PRKCH: variants seen among roughly 807,000 people sequenced by gnomAD.
PRKCH encodes protein kinase C eta type.
Under a neutral mutation model 82.5 loss-of-function variants are expected in PRKCH, and 28 were observed. The observed-to-expected ratio is 0.34, with a 90% CI of 0.25 to 0.47. PRKCH has a LOEUF of 0.47. PRKCH is among the 20% of genes least tolerant of loss of function. The pLI, the probability that PRKCH is intolerant of heterozygous loss-of-function variation, is 1.00. For synonymous variants in PRKCH, 322 were observed against 327.4 expected, an observed-to-expected ratio of 0.98 and a Z score of 0.18; for missense variants, 705 against 881.8, an observed-to-expected ratio of 0.80 and a Z score of 2.54.
chr14:61,527,315 C>T (rs187991235), intron 10 of PRKCH, among the ~76,000 whole-genome samples: 1 of 152,148 alleles, frequency 6.6e-6, no homozygotes, highest in African/African-American at 2.4e-5. Flanking sequence ...CACAAACAAA[C>T]CCTGTTCTCA....
intron 1 of PRKCH, among the ~76,000 whole-genome samples, chr14:61,273,427 G>T (rs918387301): frequency 1.3e-5 from 2 of 152,016 alleles, no homozygotes; most frequent in African/African-American, 4.8e-5. Flanking sequence ...ACCAGGCAGG[G>T]GAAAGCAATG....
upstream of PRKCH, among the ~76,000 whole-genome samples, chr14:61,319,285 T>A (rs578246554): frequency 8.5e-5 from 13 of 152,220 alleles, no homozygotes; most frequent in Non-Finnish European, 1.8e-4. Flanking sequence ...ATTTGCTTTT[T>A]CAAGGAACCC....
intron 1 of PRKCH, among the ~76,000 whole-genome samples, chr14:61,331,795 G>A (rs1316028480): frequency 6.6e-6 from 1 of 152,128 alleles, no homozygotes; most frequent in East Asian, 1.9e-4. Context: ...TAATTGGTTT[G>A]GTTTAAACTG....
chr14:61,458,616 G>A (rs3783795), intron 9 of PRKCH, among the ~76,000 whole-genome samples: 4,327 of 152,230 alleles, frequency 0.028, 224 homozygotes, highest in East Asian at 0.26. Flanking sequence ...TACCTGAGAC[G>A]GGGTAATTTA....
intron 1 of PRKCH, among the ~76,000 whole-genome samples, chr14:61,307,872 T>C (rs954528827): frequency 3.3e-5 from 5 of 152,232 alleles, no homozygotes; most frequent in African/African-American, 1.2e-4. Context: ...GGTCTCGCTC[T>C]GTCACGCAGG....
intron 1 of PRKCH, among the ~76,000 whole-genome samples, chr14:61,301,119 T>G (rs563668277): frequency 2.0e-5 from 3 of 152,298 alleles, no homozygotes; most frequent in Admixed American, 2.0e-4. Context: ...CTATTAAACT[T>G]CTGCTCTTAA....
chr14:61,227,794 T>C (rs1308873211), intron 1 of PRKCH, among the ~76,000 whole-genome samples: 1 of 152,020 alleles, frequency 6.6e-6, no homozygotes, highest in Non-Finnish European at 1.5e-5. Context: ...AAATATGCCG[T>C]CTTGAAGAGA....
rs3813410 is a variant in PRKCH, at chr14:61,550,417, G to A, written c.*586G>A. The A allele has an allele frequency of 0.16, 24,716 of 152,430 alleles. 3,718 individuals carry two copies. The highest frequency in any genetic ancestry group is 0.4 in the African/African-American group (16,504 of 41,480). The allele number at this position is 152,430 out of a possible 1,614,324, so 9.4% of individuals were successfully genotyped here. A position where few individuals can be genotyped will look rare whatever the true frequency, so the allele number is the denominator to read the frequency against. ...TTGAAAATATGTTGTGCACCAAGAC[G>A]ACTGCTTCAGCTTCTTCTCTTATCC... On this transcript the variant is annotated 3_prime_UTR_variant, in exon 14 of 14. Coordinates refer to ENST00000332981, the MANE Select transcript of PRKCH (RefSeq NM_006255.5).
In PRKCH at chr14:61,193,351, T is replaced by C. The variant is rs941690857; in HGVS notation, c.-19+5683T>C. Among the ~76,000 whole-genome samples the C allele has an allele frequency of 3.9e-5, 6 of 152,182 alleles. No individual in the cohort carries two copies. In the South Asian group the frequency reaches 6.2e-4, roughly 16 times the overall value. Reference sequence around the variant, plus strand: ...AATATTTTAGTATATTGGCAAGACATTAATTACAAAACCAGATGGTCATGG... The same window carrying C: ...AATATTTTAGTATATTGGCAAGACACTAATTACAAAACCAGATGGTCATGG... On this transcript the variant is annotated intron_variant, in intron 1 of 3. Transcript: ENST00000555185.
At chr14:61,385,792 C>T (rs181396724) in intron 1 of PRKCH, among the ~76,000 whole-genome samples, 4 of 152,024 alleles carry the variant, frequency 2.6e-5, no homozygotes, top group Admixed American at 6.5e-5. Flanking sequence ...CATTTTCTGT[C>T]CCCTTATATG....
intron 1 of PRKCH, among the ~76,000 whole-genome samples, chr14:61,296,618 A>G (rs932492515): frequency 6.6e-6 from 1 of 152,206 alleles, no homozygotes; most frequent in Non-Finnish European, 1.5e-5. Context: ...AATGGTTAGA[A>G]TAGTCATTTT....
chr14:61,308,029 G>T (rs2045495632), intron 1 of PRKCH, among the ~76,000 whole-genome samples: 1 of 152,052 alleles, frequency 6.6e-6, no homozygotes, highest in Non-Finnish European at 1.5e-5. Flanking sequence ...TGTAGAGATG[G>T]GGATCTCACT....
At chr14:61,273,169 A>C (rs148195385) in intron 1 of PRKCH, among the ~76,000 whole-genome samples, 93 of 152,328 alleles carry the variant, frequency 6.1e-4, no homozygotes, top group African/African-American at 2.0e-3. Flanking sequence ...GACTAAACAT[A>C]ATTCATTCAT....
intron 9 of PRKCH, among the ~76,000 whole-genome samples, chr14:61,463,616 G>T (rs1167681523): frequency 6.6e-6 from 1 of 152,016 alleles, no homozygotes; most frequent in African/African-American, 2.4e-5. Context: ...TATACTCCTG[G>T]ATCTGTTTTT....
chr14:61,500,145 G>A (rs916080826), intron 10 of PRKCH, among the ~76,000 whole-genome samples: 4 of 151,126 alleles, frequency 2.6e-5, no homozygotes, highest in Admixed American at 6.6e-5. Context: ...ATCTGAACTA[G>A]CAGTTGGCTA....
At chr14:61,219,411 G>A (rs1377263027) in intron 1 of PRKCH, among the ~76,000 whole-genome samples, 1 of 152,206 alleles carries the variant, frequency 6.6e-6, no homozygotes, top group Admixed American at 6.5e-5. Flanking sequence ...GGAGGCAAGG[G>A]GTGTCAGCTC....
chr14:61,250,222 G>T (rs2044932545), intron 1 of PRKCH, among the ~76,000 whole-genome samples: 6 of 148,952 alleles, frequency 4.0e-5, no homozygotes, highest in Admixed American at 2.7e-4. Flanking sequence ...GGGCGATAGA[G>T]TGAGACTCAG....
intron 9 of PRKCH, among the ~76,000 whole-genome samples, chr14:61,480,935 C>T (rs1197455564): frequency 5.9e-5 from 9 of 152,160 alleles, no homozygotes; most frequent in African/African-American, 9.7e-5. Flanking sequence ...GTCCCCACTC[C>T]AGCCTGACTT....
At chr14:61,421,016 A>T (rs1187093001) in intron 2 of PRKCH, among the ~76,000 whole-genome samples, 1 of 152,002 alleles carries the variant, frequency 6.6e-6, no homozygotes, top group Non-Finnish European at 1.5e-5. Flanking sequence ...TTGCTATCAG[A>T]TAAATACACA....
Sources: gnomAD v4.1 joint callset for allele counts (sites outside exome capture counted in the v4.1 genomes callset) on GRCh38, gnomAD v4.1.1 for gene constraint, MANE v1.5 for transcripts, NCBI Gene and HGNC (gene_info 2026-07-23, HGNC 2026-07-21) for gene names.